Variants in AKAP6 observed in about 807,000 individuals in gnomAD.
AKAP6 encodes A-kinase anchor protein 6.
Under a neutral mutation model 188.5 loss-of-function variants are expected in AKAP6, and 58 were observed. That is an observed-to-expected ratio of 0.31 (90% CI 0.25 to 0.38). AKAP6 has a LOEUF of 0.38. AKAP6 is among the 10% of genes least tolerant of loss of function. AKAP6 has a pLI of 1.00. For synonymous variants in AKAP6, 989 were observed against 998.6 expected, an observed-to-expected ratio of 0.99 and a Z score of 0.18; for missense variants, 2,710 against 2,740.0, an observed-to-expected ratio of 0.99 and a Z score of 0.24.
intron 2 of AKAP6, among the ~76,000 whole-genome samples, chr14:32,498,964 G>C (rs1880467326): frequency 6.6e-6 from 1 of 151,532 alleles, no homozygotes; most frequent in Non-Finnish European, 1.5e-5. Context: ...TCCATGTCTG[G>C]GGTTTTACTG....
At position 32,518,548 on chromosome 14, in the gene AKAP6, G is replaced by A. The variant is rs140874067; in HGVS notation, c.325-17006G>A. 9.3e-3 allele frequency among the ~76,000 whole-genome samples: 1,417 copies of A among 152,264 alleles called. 13 individuals are homozygous for A. Among genetic ancestry groups the A allele is most frequent in the Non-Finnish European group, 0.016 (1,073 of 68,018 alleles). ...ATGGCACGAGAACTACGTGACACAT[G>A]CACAAGCTTCAGTAGCCAATTCGAT... On this transcript the variant is annotated intron_variant, in intron 2 of 13. Transcript: ENST00000280979.
At chr14:32,591,394 A>G (rs1381878138) in intron 5 of AKAP6, among the ~76,000 whole-genome samples, 4 of 151,452 alleles carry the variant, frequency 2.6e-5, no homozygotes, top group African/African-American at 9.7e-5. Flanking sequence ...TCTCCCTTCT[A>G]TCTAATTCTT....
At position 32,822,480 on chromosome 14, in the gene AKAP6, C is replaced by T. The variant is rs149303929; in HGVS notation, c.4667C>T (p.Ala1556Val). Residue 1556 changes from alanine (A) to valine (V), a missense_variant, in exon 13 of 14, where the codon GCC becomes GTC. Transcript: ENST00000280979. Reference protein sequence around the residue: ...IEKTFTGMQNAKQLSLLSHSS... With the variant: ...IEKTFTGMQNVKQLSLLSHSS... ...AAGACATTCACTGGCATGCAGAATG[C>T]CAAACAGCTCTCCCTTTTATCTCAT... 8 of 1,614,012 alleles carry T rather than the reference C, an allele frequency of 5.0e-6. No homozygotes were observed. The South Asian group carries it at 7.7e-5, about 16-fold the overall frequency.
intron 1 of AKAP6, among the ~76,000 whole-genome samples, chr14:32,358,017 A>C (rs550617665): frequency 6.6e-6 from 1 of 152,348 alleles, no homozygotes; most frequent in Non-Finnish European, 1.5e-5. Context: ...GAAGAAGCTA[A>C]CTTTCAGCAC....
At chr14:32,377,793 C>T (rs928021522) in intron 1 of AKAP6, among the ~76,000 whole-genome samples, 1 of 152,130 alleles carries the variant, frequency 6.6e-6, no homozygotes, top group Admixed American at 6.5e-5. Flanking sequence ...CCTGAGTAAT[C>T]ATAATTATTA....
chr14:32,533,941 A>G (rs546162313), intron 2 of AKAP6, among the ~76,000 whole-genome samples: 10 of 152,284 alleles, frequency 6.6e-5, no homozygotes, highest in African/African-American at 2.4e-4. Context: ...AAGTTCATCT[A>G]GTTTAAACTT....
At chr14:32,791,126 A>G (rs2033596752) in intron 12 of AKAP6, among the ~76,000 whole-genome samples, 1 of 152,192 alleles carries the variant, frequency 6.6e-6, no homozygotes. Context: ...TCCTTTGGGT[A>G]TAACTCAGTA....
At chr14:32,461,475 G>A (rs1191217818) in intron 2 of AKAP6, among the ~76,000 whole-genome samples, 1 of 152,192 alleles carries the variant, frequency 6.6e-6, no homozygotes, top group Admixed American at 6.5e-5. Context: ...CAGACCTGCA[G>A]AAGAGGAGCC....
At chr14:32,462,876 G>A (rs1891376888) in intron 2 of AKAP6, among the ~76,000 whole-genome samples, 1 of 62,344 alleles carries the variant, frequency 1.6e-5, no homozygotes, top group East Asian at 5.1e-4. Context: ...AGGTATGGAG[G>A]AATATTTACC....
At chr14:32,404,130 T>C (rs946469357) in intron 1 of AKAP6, among the ~76,000 whole-genome samples, 10 of 152,146 alleles carry the variant, frequency 6.6e-5, no homozygotes, top group African/African-American at 2.4e-4. Context: ...TTAACAAAAA[T>C]ATTCTAAGAA....
rs1161824447 is a variant in AKAP6 at position 32,836,985 on chromosome 14, G to C, written c.*7180G>C. On this transcript the variant is annotated 3_prime_UTR_variant, in exon 14 of 14. Coordinates refer to ENST00000280979, the MANE Select transcript of AKAP6 (RefSeq NM_004274.5). ...CCTGATGACTTGGTCGAGGTAACTTGCTTTGCCCACTGTTAACTACAGAGC... is the reference window on the plus strand; with the variant it reads ...CCTGATGACTTGGTCGAGGTAACTTCCTTTGCCCACTGTTAACTACAGAGC... 1 of 152,196 alleles carries C rather than the reference G, an allele frequency of 6.6e-6. No homozygotes were observed. The highest frequency in any genetic ancestry group is 1.5e-5 in the Non-Finnish European group (1 of 68,042). The allele number at this position is 152,196 out of a possible 1,614,324, so 9.4% of individuals were successfully genotyped here.
intron 4 of AKAP6, among the ~76,000 whole-genome samples, chr14:32,559,808 G>A (rs1451542586): frequency 7.6e-6 from 1 of 131,428 alleles, no homozygotes; most frequent in Non-Finnish European, 1.5e-5. Flanking sequence ...TTTTTTTAAG[G>A]CAGAGTCTTG....
At chr14:32,571,843 A>G (rs186412715) in intron 4 of AKAP6, among the ~76,000 whole-genome samples, 5 of 152,344 alleles carry the variant, frequency 3.3e-5, no homozygotes, top group Admixed American at 2.6e-4. Context: ...GAGCACTGGT[A>G]GAATGGGCTC....
At chr14:32,784,090 T>C (rs1281474140) in intron 12 of AKAP6, among the ~76,000 whole-genome samples, 4 of 152,186 alleles carry the variant, frequency 2.6e-5, no homozygotes, top group Non-Finnish European at 5.9e-5. Context: ...CTAAATGGGC[T>C]ATGAAAAGCA....
intron 1 of AKAP6, among the ~76,000 whole-genome samples, chr14:32,370,612 A>G (rs1408339663): frequency 6.6e-6 from 1 of 152,226 alleles, no homozygotes; most frequent in Non-Finnish European, 1.5e-5. Context: ...TGGCTGTATT[A>G]GTGCTGGTGA....
chr14:32,569,135 G>T (rs907046266), intron 4 of AKAP6, among the ~76,000 whole-genome samples: 15 of 152,138 alleles, frequency 9.9e-5, no homozygotes, highest in Admixed American at 9.2e-4. Flanking sequence ...GCTGAGTTCA[G>T]AATAGAACTT....
At chr14:32,376,639 AT>A (rs1888165323) in intron 1 of AKAP6, among the ~76,000 whole-genome samples, 1 of 152,218 alleles carries the variant, frequency 6.6e-6, no homozygotes, top group Non-Finnish European at 1.5e-5. Context: ...CAAAATGTGG[AT>A]GTAAAGTTAT....
chr14:32,739,054 G>T (rs1167626442), intron 11 of AKAP6, among the ~76,000 whole-genome samples: 1 of 152,080 alleles, frequency 6.6e-6, no homozygotes, highest in Non-Finnish European at 1.5e-5. Flanking sequence ...AGGAGACCAT[G>T]CTACAATTGC....
intron 1 of AKAP6, among the ~76,000 whole-genome samples, chr14:32,429,118 T>C (rs1056096650): frequency 6.6e-6 from 1 of 152,210 alleles, no homozygotes; most frequent in East Asian, 1.9e-4. Context: ...CACACCGTCT[T>C]GGAGCCAGAG....
Sources: allele counts gnomAD v4.1 joint callset (sites outside exome capture counted in the v4.1 genomes callset), GRCh38; gene constraint gnomAD v4.1.1; transcripts MANE v1.5; gene names NCBI Gene and HGNC (gene_info 2026-07-23, HGNC 2026-07-21).